GRK4: variants seen among roughly 807,000 people sequenced by gnomAD.
The protein encoded by GRK4 is G protein-coupled receptor kinase 2-like.
A neutral mutation model predicts 77.9 loss-of-function variants in GRK4; 73 were observed. That is an observed-to-expected ratio of 0.94 (90% confidence interval 0.78 to 1.14). The LOEUF is 1.14. GRK4 is among the 50% of genes most tolerant of loss of function. The pLI is 0.00. For synonymous variants in GRK4, 257 were observed against 254.4 expected (o/e 1.01, Z -0.10); for missense variants, 729 against 700.2 (o/e 1.04, Z -0.46).
chr4:2,989,160 G>A (rs1238988497), intron 3 of GRK4, among the ~76,000 whole-genome samples: 4 of 152,038 alleles, frequency 2.6e-5, no homozygotes, highest in South Asian at 2.1e-4. Flanking sequence ...CAGCCTGGGC[G>A]ACAGAGCAAG....
At chr4:3,000,374 C>T (rs1729157572) in intron 4 of GRK4, among the ~76,000 whole-genome samples, 1 of 152,044 alleles carries the variant, frequency 6.6e-6, no homozygotes, top group Non-Finnish European at 1.5e-5. Flanking sequence ...TTGATAGAAT[C>T]AACCTGCTAT....
chr4:2,973,936 C>T (rs1235783404), intron 1 of GRK4, among the ~76,000 whole-genome samples: 1 of 152,252 alleles, frequency 6.6e-6, no homozygotes, highest in African/African-American at 2.4e-5. Context: ...CACACGGTTT[C>T]CTCTGTCTCT....
intron 3 of GRK4, among the ~76,000 whole-genome samples, chr4:2,990,782 G>A (rs549855296): frequency 6.6e-6 from 1 of 152,148 alleles, no homozygotes; most frequent in African/African-American, 2.4e-5. Flanking sequence ...GATACCTGTC[G>A]TTATGAGGTG....
intron 1 of GRK4, among the ~76,000 whole-genome samples, chr4:2,969,017 G>A (rs1718630674): frequency 6.6e-6 from 1 of 152,038 alleles, no homozygotes; most frequent in Non-Finnish European, 1.5e-5. Context: ...AGAAGTAAGG[G>A]AAGGGCTGCA....
chr4:3,000,962 GGT>G (rs1246924194), intron 4 of GRK4, among the ~76,000 whole-genome samples: 1 of 151,390 alleles, frequency 6.6e-6, no homozygotes, highest in African/African-American at 2.4e-5. Flanking sequence ...AGTCCAGCAG[GGT>G]GTGTGTGTTT....
At chr4:3,037,618 ATAAAAT>A in intron 14 of GRK4, 107 bp downstream of exon 14, 2 of 1,295,246 alleles carry the variant, frequency 1.5e-6, no homozygotes, top group South Asian at 3.2e-5. Flanking sequence ...TATTTGGGAG[ATAAAAT>A]TATATAAGAC....
At chr4:2,979,572 G>C (rs889497586) in intron 1 of GRK4, among the ~76,000 whole-genome samples, 4 of 152,312 alleles carry the variant, frequency 2.6e-5, no homozygotes, top group African/African-American at 9.6e-5. Context: ...AATTAGCCGG[G>C]CGTGGTGGCA....
intron 1 of GRK4, chr4:2,966,666 G>A (rs529330674): frequency 6.6e-6 from 1 of 152,278 alleles, no homozygotes; most frequent in Non-Finnish European, 1.5e-5. Flanking sequence ...TTACTTTAAA[G>A]TATCTCCCAG....
intron 1 of GRK4, among the ~76,000 whole-genome samples, chr4:2,968,280 A>G (rs561617316): frequency 6.6e-6 from 1 of 152,174 alleles, no homozygotes; most frequent in Admixed American, 6.5e-5. Context: ...ACGTGCATTT[A>G]ATGTGGGTTT....
At chr4:2,988,163 A>G (rs1017218402) in intron 2 of GRK4, among the ~76,000 whole-genome samples, 1 of 150,886 alleles carries the variant, frequency 6.6e-6, no homozygotes, top group Admixed American at 6.6e-5. Context: ...CTTCCAAACC[A>G]CTGCCCTGTG....
chr4:3,007,168 C>A (rs1731578611), intron 5 of GRK4, among the ~76,000 whole-genome samples: 1 of 152,192 alleles, frequency 6.6e-6, no homozygotes. Flanking sequence ...TGCCATTGCA[C>A]TCCAGCCTGG....
chr4:3,017,925 T>A (rs1734987900), intron 8 of GRK4, among the ~76,000 whole-genome samples: 1 of 152,126 alleles, frequency 6.6e-6, no homozygotes. Context: ...TGAGGCTAGA[T>A]ACCTGCTGAC....
At chr4:3,023,239 C>T (rs1736555631) in intron 10 of GRK4, among the ~76,000 whole-genome samples, 2 of 152,180 alleles carry the variant, frequency 1.3e-5, no homozygotes, top group South Asian at 2.1e-4. Context: ...CATGGGTGCA[C>T]ACTCCACCTT....
chr4:3,037,488 G>C lies in GRK4; in HGVS notation c.1522G>C (p.Val508Leu). Residue 508 changes from valine to leucine, a missense_variant, in exon 14 of 16, where the codon GTC becomes CTC. Physicochemically the swap from Val to Leu is conservative, Grantham distance 32. Transcript: ENST00000398052. ...CTATGCTCGGTTTGCTACCGGGTGT[G>C]TCTCCATCCCCTGGCAGAATGAGGT... ...DFYARFATGC[V>L]SIPWQNEMIE... 6.2e-7 allele frequency: 1 copy of C among 1,607,650 alleles called. No homozygotes were observed. Among genetic ancestry groups the C allele is most frequent in the Non-Finnish European group, 8.5e-7 (1 of 1,174,614 alleles).
rs755735371 is a variant in GRK4 at position 3,029,233 on chromosome 4, T to A, written c.1093T>A (p.Phe365Ile). The change falls in exon 12 of 16, where the codon TTT (phenylalanine) becomes ATT (isoleucine). Residue 365 changes from phenylalanine to isoleucine, a missense_variant. Phe to Ile is a conservative substitution (Grantham distance 21). Coordinates refer to ENST00000398052, the MANE Select transcript of GRK4 (RefSeq NM_182982.3). ...AGTTGTCAATAATGAAAAGTATACG[T>A]TTAGTCCCGATTGGTGGGGACTTGG... is the stretch of plus-strand genomic sequence containing the variant. The part of the protein sequence containing the change: ...PEVVNNEKYT[F>I]SPDWWGLGCL... The A allele has an allele frequency of 6.8e-6, 11 of 1,613,802 alleles. No homozygotes were observed. The highest frequency in any genetic ancestry group is 3.4e-6 in the Non-Finnish European group (4 of 1,179,752).
In GRK4 at chr4:2,983,105, G is replaced by A. The variant is rs143334776; in HGVS notation, c.53-1408G>A. On this transcript the variant is annotated intron_variant, in intron 1 of 15. Coordinates refer to ENST00000398052, the MANE Select transcript of GRK4 (RefSeq NM_182982.3). Reference sequence around the variant, plus strand: ...GTAGAAGAGCAAAACTAAGGCTGAGGAAGAAGCTCTTACATCTTTGATGGT... The same window carrying A: ...GTAGAAGAGCAAAACTAAGGCTGAGAAAGAAGCTCTTACATCTTTGATGGT... 4.6e-3 allele frequency among the ~76,000 whole-genome samples: 699 copies of A among 152,302 alleles called. 8 individuals are homozygous for A. The highest frequency in any genetic ancestry group is 0.014 in the Middle Eastern group (4 of 294).
At chr4:3,028,316 C>T (rs1182801784) in intron 11 of GRK4, among the ~76,000 whole-genome samples, 4 of 152,328 alleles carry the variant, frequency 2.6e-5, no homozygotes, top group Non-Finnish European at 5.9e-5. Flanking sequence ...CTGTGCACCA[C>T]GGCCTCTCGG....
chr4:2,985,778 C>A, intron 2 of GRK4: 1 of 284,826 alleles, frequency 3.5e-6, no homozygotes, highest in Non-Finnish European at 6.9e-6. Flanking sequence ...GTGGGCGGAT[C>A]ACGAGATCAG....
chr4:2,968,021 T>C (rs1577915831), intron 1 of GRK4, among the ~76,000 whole-genome samples: 1 of 147,670 alleles, frequency 6.8e-6, no homozygotes, highest in Non-Finnish European at 1.5e-5. Flanking sequence ...GAACTCCTGA[T>C]CACAGGTGAT....
Sources: gnomAD v4.1 joint callset for allele counts (sites outside exome capture counted in the v4.1 genomes callset) on GRCh38, gnomAD v4.1.1 for gene constraint, MANE v1.5 for transcripts, NCBI Gene and HGNC (gene_info 2026-07-23, HGNC 2026-07-21) for gene names.